The following SPC25 variants were observed in gnomAD, a reference collection of about 807,000 sequenced individuals.
SPC25 encodes the protein SPC25 component of NDC80 kinetochore complex, also known as kinetochore protein Spc25.
In SPC25, 22 loss-of-function variants were observed where a neutral mutation model predicts 29.6. The observed-to-expected ratio is 0.74, with a 90% CI of 0.53 to 1.06. The LOEUF is 1.06. Ranked by LOEUF, SPC25 falls within the 50% of genes least tolerant of loss-of-function variation. The pLI, the probability that SPC25 is intolerant of heterozygous loss-of-function variation, is 0.00. For missense variants in SPC25, 230 were observed against 255.8 expected (o/e 0.90, Z 0.69); for synonymous variants, 91 against 90.4 (o/e 1.01, Z -0.04).
At chr2:168,877,195 C>G in intron 4 of SPC25, 43 bp downstream of exon 4, 1 of 1,600,078 alleles carries the variant, frequency 6.2e-7, no homozygotes. Flanking sequence ...GAACCGTCAC[C>G]ACTTTCCATT....
rs138243521 is a variant in SPC25, at chr2:168,871,482, T to C, written c.624A>G (p.Ser208=). ...CTTTCCGAACATTGGCAAGAAAAGCTGAAAAATTGTTGGTCTTCCTTACAT... is the reference window on the plus strand; with the variant it reads ...CTTTCCGAACATTGGCAAGAAAAGCCGAAAAATTGTTGGTCTTCCTTACAT... ...QENVRKTNNF[S]AFLANVRKAF... is the part of the protein sequence containing the mutation. The change falls in exon 7 of 7, where the codon TCA becomes TCG. Residue 208 remains serine, a synonymous_variant. Transcript: ENST00000282074. 1 of 1,611,512 alleles carries C rather than the reference T, an allele frequency of 6.2e-7. No homozygotes were observed. Among genetic ancestry groups the C allele is most frequent in the Non-Finnish European group, 8.5e-7 (1 of 1,178,912 alleles).
chr2:168,884,951 G>C (rs1690237407), intron 3 of SPC25: 1 of 151,998 alleles, frequency 6.6e-6, no homozygotes, highest in African/African-American at 2.4e-5. Flanking sequence ...ACTAACCAAG[G>C]CTACCTTCTT....
intron 3 of SPC25, 27 bp from the exon 4 acceptor site, chr2:168,877,411 G>A (rs1348163114): frequency 6.2e-7 from 1 of 1,611,032 alleles, no homozygotes; most frequent in Admixed American, 1.7e-5. Context: ...GTATTAGCTA[G>A]AATATGCTTG....
At chr2:168,887,274 T>C (rs1395630446) in intron 3 of SPC25, among the ~76,000 whole-genome samples, 3 of 151,520 alleles carry the variant, frequency 2.0e-5, no homozygotes, top group African/African-American at 7.3e-5. Context: ...TACAAAAAAT[T>C]AGTGGTGCGT....
At chr2:168,881,228 T>C (rs1002771257) in intron 3 of SPC25, among the ~76,000 whole-genome samples, 1 of 152,204 alleles carries the variant, frequency 6.6e-6, no homozygotes, top group African/African-American at 2.4e-5. Context: ...CTTCCCTGCC[T>C]TCCCCATGTC....
At chr2:168,868,695 G>C (rs1689918182), downstream of SPC25, among the ~76,000 whole-genome samples, 1 of 152,180 alleles carries the variant, frequency 6.6e-6, no homozygotes, top group African/African-American at 2.4e-5. Context: ...AACAGGCTCT[G>C]AAATTGAGGC....
At chr2:168,889,709 G>A (rs1196198914) in intron 1 of SPC25, among the ~76,000 whole-genome samples, 176 bp from the exon 2 acceptor site, 1 of 152,166 alleles carries the variant, frequency 6.6e-6, no homozygotes, top group African/African-American at 2.4e-5. Context: ...TTGTTAACGT[G>A]CAGCAATAAT....
chr2:168,888,641 GAA>G (rs1452792293), intron 3 of SPC25, among the ~76,000 whole-genome samples: 1 of 152,052 alleles, frequency 6.6e-6, no homozygotes, highest in African/African-American at 2.4e-5. Flanking sequence ...GAAGGTGGGA[GAA>G]GGTGTAACAT....
intron 6 of SPC25, among the ~76,000 whole-genome samples, chr2:168,872,519 A>G (rs1244011844): frequency 6.6e-6 from 1 of 152,156 alleles, no homozygotes; most frequent in Non-Finnish European, 1.5e-5. Flanking sequence ...AAATTCACCC[A>G]TTATCAGATT....
intron 4 of SPC25, among the ~76,000 whole-genome samples, chr2:168,862,339 A>G (rs1247371303): frequency 6.6e-6 from 1 of 152,214 alleles, no homozygotes; most frequent in African/African-American, 2.4e-5. Flanking sequence ...GGAGACTGAT[A>G]CACAGGAAGG....
At chr2:168,865,156 G>T in intron 4 of SPC25, 1 of 646,326 alleles carries the variant, frequency 1.5e-6, no homozygotes, top group South Asian at 2.1e-5. Context: ...ATGGATGGGT[G>T]GAGACAGACA....
rs749395436 is a variant in SPC25, at chr2:168,861,930, G to A, written n.419+11655C>T. The A allele has an allele frequency of 6.2e-6, 10 of 1,600,054 alleles. No homozygotes were observed. The Admixed American group carries it at 1.2e-4, about 19-fold the overall frequency. On this transcript the variant is annotated intron_variant and non_coding_transcript_variant, in intron 4 of 4. Coordinates refer to the SPC25 transcript ENST00000479309. Reference sequence around the variant, plus strand: ...TCATATTCATTTGCCTGCTAACACAGCATACTAATTACAGCTTTATCTATT... The same window carrying A: ...TCATATTCATTTGCCTGCTAACACAACATACTAATTACAGCTTTATCTATT...
intron 4 of SPC25, chr2:168,863,410 GA>G: frequency 1.0e-6 from 1 of 984,882 alleles, no homozygotes; most frequent in Non-Finnish European, 1.2e-6. Flanking sequence ...GTGAAAGGAA[GA>G]CTGAAAAATC....
intron 3 of SPC25, among the ~76,000 whole-genome samples, chr2:168,887,773 T>G (rs559278183): frequency 1.3e-5 from 2 of 152,234 alleles, no homozygotes; most frequent in South Asian, 4.1e-4. Context: ...GTAGTAAAAA[T>G]ATGGAGAAAA....
At chr2:168,888,992 T>TATATAC in intron 3 of SPC25, among the ~76,000 whole-genome samples, 1 of 109,076 alleles carries the variant, frequency 9.2e-6, no homozygotes. Context: ...CATATATATG[T>TATATAC]ATATATATAC....
chr2:168,867,062 T>C (rs1689873664), downstream of SPC25, among the ~76,000 whole-genome samples: 1 of 152,158 alleles, frequency 6.6e-6, no homozygotes, highest in Admixed American at 6.5e-5. Flanking sequence ...TGGAAGTCGG[T>C]GTGGCGATTC....
At chr2:168,866,418 A>C (rs957130915), downstream of SPC25, among the ~76,000 whole-genome samples, 3 of 152,290 alleles carry the variant, frequency 2.0e-5, no homozygotes, top group African/African-American at 7.2e-5. Flanking sequence ...AAAACTGGCT[A>C]GCCATATGTA....
chr2:168,865,842 A>G (rs1487012133), intron 4 of SPC25, among the ~76,000 whole-genome samples: 3 of 152,272 alleles, frequency 2.0e-5, no homozygotes, highest in African/African-American at 4.8e-5. Context: ...ACAAACAGAG[A>G]GCCAAATCAT....
chr2:168,865,082 G>C, intron 4 of SPC25: 2 of 1,145,990 alleles, frequency 1.7e-6, no homozygotes, highest in Non-Finnish European at 2.5e-6. Context: ...AATGGATGGA[G>C]TTCTACCTGC....
Sources: allele counts gnomAD v4.1 joint callset (sites outside exome capture counted in the v4.1 genomes callset), GRCh38; gene constraint gnomAD v4.1.1; transcripts MANE v1.5; gene names NCBI Gene and HGNC (gene_info 2026-07-23, HGNC 2026-07-21).